ESR2: variants seen among roughly 807,000 people sequenced by gnomAD.
The protein encoded by ESR2 is estrogen receptor beta.
In ESR2, 36 loss-of-function variants were observed where a neutral mutation model predicts 49.6. That is an observed-to-expected ratio of 0.73 (90% confidence interval 0.56 to 0.96). ESR2 has a LOEUF of 0.96. ESR2 is among the 40% of genes least tolerant of loss of function. The probability of loss-of-function intolerance (pLI) is 0.00; values close to 1 mark genes in which losing one functional copy is unlikely to be tolerated. For missense variants in ESR2, 714 were observed against 693.0 expected, an observed-to-expected ratio of 1.03 and a Z score of -0.34; for synonymous variants, 320 against 266.1, an observed-to-expected ratio of 1.20 and a Z score of -1.97.
intron 1 of ESR2, among the ~76,000 whole-genome samples, chr14:64,310,319 T>TAATAATAATAATAATAATAA (rs2077173203): frequency 6.7e-6 from 1 of 149,780 alleles, no homozygotes; most frequent in African/African-American, 2.5e-5. Flanking sequence ...ATAATAATAA[T>TAATAATAATAATAATAATAA]TCTGGGTGTA....
At chr14:64,328,309 C>T (rs572971752) in intron 1 of ESR2, among the ~76,000 whole-genome samples, 20 of 152,218 alleles carry the variant, frequency 1.3e-4, no homozygotes, top group Middle Eastern at 3.4e-3. Context: ...GTCCCAGGTA[C>T]TCAGGAGGCC....
chr14:64,248,505 C>CAAAAAAAAA (rs56108535), intron 7 of ESR2, among the ~76,000 whole-genome samples: 3 of 87,248 alleles, frequency 3.4e-5, no homozygotes, highest in South Asian at 4.2e-4. Context: ...GATCCTGTCT[C>CAAAAAAAAA]AAAAAAAAAA....
intron 1 of ESR2, chr14:64,303,617 CTT>C (rs2077054949): frequency 6.6e-6 from 1 of 152,144 alleles, no homozygotes; most frequent in African/African-American, 2.4e-5. Flanking sequence ...TTTCTAAAGA[CTT>C]TAAGTGATCA....
chr14:64,232,669 C>G lies in ESR2; in HGVS notation c.*468G>C, dbSNP rs765389927. 6.4e-6 allele frequency: 1 copy of G among 157,016 alleles called. No individual in the cohort carries two copies. The highest frequency in any genetic ancestry group is 1.9e-4 in the South Asian group (1 of 5,154). 9.7% of individuals were successfully genotyped at this position (157,016 alleles called of 1,614,324 possible). The stretch of plus-strand genomic sequence containing the variant: ...ATTGCCACAGGGGTTTTCAATCTTA[C>G]AATGGAGTGGTCCGGAAAACAGCAA... On this transcript the variant is annotated 3_prime_UTR_variant, in exon 9 of 9. Transcript: ENST00000341099.
chr14:64,233,632 C>T (rs2098729522), intron 8 of ESR2: 1 of 313,448 alleles, frequency 3.2e-6, no homozygotes, highest in African/African-American at 2.1e-5. Flanking sequence ...AATCCTCACT[C>T]ATAGGGGAAA....
chr14:64,244,399 C>CAA (rs34288779), intron 7 of ESR2, among the ~76,000 whole-genome samples: 2 of 127,836 alleles, frequency 1.6e-5, no homozygotes. Context: ...GACTTCATCT[C>CAA]AAAAAAAAAA....
chr14:64,288,139 C>T (rs958478984), intron 1 of ESR2, among the ~76,000 whole-genome samples: 25 of 152,034 alleles, frequency 1.6e-4, no homozygotes, highest in Admixed American at 5.2e-4. Context: ...TGTATTTGGC[C>T]CTCTCAGGTC....
Position 64,282,651 on chromosome 14 carries a change from G to T in ESR2, c.335C>A (p.Ser112Ter), listed in dbSNP as rs141516067. ...PQKSPWCEARSLEHTLPVNRE... is the reference protein window; with the variant it reads ...PQKSPWCEAR Reference sequence around the variant, plus strand: ...GTTTACAGGTAAGGTGTGTTCTAGCGATCTTGCTTCACACCAGGGACTCTT... The same window carrying T: ...GTTTACAGGTAAGGTGTGTTCTAGCTATCTTGCTTCACACCAGGGACTCTT... Residue 112 changes from serine to a stop codon, truncating the protein, a stop_gained, in exon 2 of 9, where the codon TCG becomes TAG. Transcript: ENST00000341099. LOFTEE classifies it high-confidence loss of function. 317 of 1,607,794 alleles carry T rather than the reference G, an allele frequency of 2.0e-4. No homozygotes were observed. Among genetic ancestry groups the T allele is most frequent in the Middle Eastern group, 3.3e-4 (2 of 6,066 alleles).
intron 1 of ESR2, among the ~76,000 whole-genome samples, chr14:64,293,789 T>A (rs2076909111): frequency 6.6e-6 from 1 of 152,234 alleles, no homozygotes; most frequent in South Asian, 2.1e-4. Flanking sequence ...GTTTTTCAGT[T>A]ATTCATATTA....
chr14:64,283,934 C>T (rs2140825737), intron 1 of ESR2, among the ~76,000 whole-genome samples: 1 of 151,678 alleles, frequency 6.6e-6, no homozygotes, highest in Middle Eastern at 3.4e-3. Flanking sequence ...TTGGTTTTGT[C>T]TTTGTTTTTG....
rs191429529 is a variant in ESR2 at position 64,305,480 on chromosome 14, C to T, written c.-90-22405G>A. ...GGTCAGGAGATCGAGACCATCCTGG[C>T]TAACACAGTGAAACCCCATCTCTAC... On this transcript the variant is annotated intron_variant, in intron 1 of 8. Coordinates refer to the ESR2 transcript ENST00000358599. Among the ~76,000 whole-genome samples the T allele has an allele frequency of 5.4e-3, 817 of 151,604 alleles. 23 individuals are homozygous for T. In the East Asian group the frequency reaches 0.056, roughly 10 times the overall value.
intron 6 of ESR2, 61 bp from the exon 7 acceptor site, chr14:64,249,740 T>C: frequency 2.6e-6 from 4 of 1,518,184 alleles, no homozygotes; most frequent in Middle Eastern, 1.7e-4. Context: ...AAAAAAACAA[T>C]AAGGAATGTT....
chr14:64,300,810 CTTCT>C (rs533529773), intron 1 of ESR2, among the ~76,000 whole-genome samples: 104 of 152,248 alleles, frequency 6.8e-4, no homozygotes, highest in African/African-American at 2.3e-3. Flanking sequence ...ATAAAACACT[CTTCT>C]TTGAGACTGC....
At chr14:64,275,416 T>C (rs1890871880) in intron 3 of ESR2, among the ~76,000 whole-genome samples, 1 of 152,200 alleles carries the variant, frequency 6.6e-6, no homozygotes, top group African/African-American at 2.4e-5. Flanking sequence ...TTTTTTGGTT[T>C]CCATTTGCAT....
At position 64,238,431 on chromosome 14, in the gene ESR2, T is replaced by C. The variant is rs1049809806; in HGVS notation, c.1226-3281A>G. 2.0e-5 allele frequency among the ~76,000 whole-genome samples: 3 copies of C among 152,220 alleles called. No homozygotes were observed. The East Asian group carries it at 5.8e-4, about 29-fold the overall frequency. On this transcript the variant is annotated intron_variant, in intron 7 of 8. Transcript: ENST00000341099. Reference sequence around the variant, plus strand: ...GAGACTCCTGTTCTCATTGATCACATAGAAAAGAAATACCCTCCCAGAAAA... The same window carrying C: ...GAGACTCCTGTTCTCATTGATCACACAGAAAAGAAATACCCTCCCAGAAAA...
rs1028853137 is a variant in ESR2, at chr14:64,233,264, T to G, written c.1466A>C (p.Asp489Ala). 5 of 1,614,004 alleles carry G rather than the reference T, an allele frequency of 3.1e-6. No individual in the cohort carries two copies. The highest frequency in any genetic ancestry group is 4.2e-6 in the Non-Finnish European group (5 of 1,180,022). Residue 489 changes from aspartate (D) to alanine (A), a missense_variant, in exon 9 of 9, where the codon GAC becomes GCC. Physicochemically the swap from Asp to Ala is moderately radical, Grantham distance 126. Coordinates refer to ENST00000341099, the MANE Select transcript of ESR2 (RefSeq NM_001437.3). Reference protein sequence around the residue: ...MKCKNVVPVYDLLLEMLNAHV... With the variant: ...MKCKNVVPVYALLLEMLNAHV... ...GGCATTCAGCATCTCCAGCAGCAGGTCATACACTGGGACCACATTTTTGCA... is the reference window on the plus strand; with the variant it reads ...GGCATTCAGCATCTCCAGCAGCAGGGCATACACTGGGACCACATTTTTGCA...
At chr14:64,247,910 C>G (rs558943026) in intron 7 of ESR2, among the ~76,000 whole-genome samples, 19 of 152,302 alleles carry the variant, frequency 1.2e-4, no homozygotes, top group African/African-American at 4.6e-4. Context: ...GCCCTCATAT[C>G]AAAGATTGTG....
intron 1 of ESR2, among the ~76,000 whole-genome samples, chr14:64,292,604 C>G (rs1166815489): frequency 6.6e-6 from 1 of 152,156 alleles, no homozygotes; most frequent in African/African-American, 2.4e-5. Flanking sequence ...TCATTAAACA[C>G]TTTGAGTTCA....
At chr14:64,263,529 T>C (rs1380476486) in intron 4 of ESR2, among the ~76,000 whole-genome samples, 1 of 152,002 alleles carries the variant, frequency 6.6e-6, no homozygotes. Context: ...TGGTGGTGCA[T>C]TCCTGTAGTC....
Sources: allele counts gnomAD v4.1 joint callset (sites outside exome capture counted in the v4.1 genomes callset), GRCh38; gene constraint gnomAD v4.1.1; transcripts MANE v1.5; gene names NCBI Gene and HGNC (gene_info 2026-07-23, HGNC 2026-07-21).